The following GPC5 variants were observed in gnomAD, a reference collection of about 807,000 sequenced individuals.
The protein encoded by GPC5 is glypican 5, also known as glypican-5.
Under a neutral mutation model 53.9 loss-of-function variants are expected in GPC5, and 47 were observed. The ratio of observed to expected loss-of-function variants is 0.87; its 90% CI spans 0.69 to 1.11. The LOEUF is 1.11. Among genes scored for constraint, GPC5 ranks in the 50% most tolerant of loss-of-function variants. GPC5 has a pLI of 0.00. For synonymous variants in GPC5, 286 were observed against 263.3 expected (o/e 1.09, Z -0.84); for missense variants, 748 against 713.1 (o/e 1.05, Z -0.56).
Position 91,691,878 on chromosome 13 carries a change from C to G in GPC5, c.326-1309C>G, listed in dbSNP as rs1470173206. 1.3e-5 allele frequency among the ~76,000 whole-genome samples: 2 copies of G among 152,046 alleles called. 1 individual carries two copies. On this transcript the variant is annotated intron_variant, in intron 2 of 7. Transcript: ENST00000377067. ...AAGTTATTGCGTGATCTTTTACAAC[C>G]TAATTAAAAGTGACTATACGGTTGG... is the stretch of plus-strand genomic sequence containing the variant.
chr13:92,340,719 A>G (rs1327537523), intron 7 of GPC5: 4 of 152,250 alleles, frequency 2.6e-5, no homozygotes, highest in Non-Finnish European at 5.9e-5. Flanking sequence ...AATCAGACAA[A>G]CGATTGTATT....
intron 7 of GPC5, among the ~76,000 whole-genome samples, chr13:92,193,774 T>C (rs915602269): frequency 6.6e-6 from 1 of 152,204 alleles, no homozygotes; most frequent in Non-Finnish European, 1.5e-5. Flanking sequence ...CTTAATTAAA[T>C]TACATGTACA....
intron 5 of GPC5, among the ~76,000 whole-genome samples, chr13:91,778,852 A>G (rs753073522): frequency 3.9e-5 from 6 of 152,246 alleles, no homozygotes; most frequent in Non-Finnish European, 8.8e-5. Flanking sequence ...GCAAGCTTAG[A>G]TGATACAGCT....
At chr13:92,344,305 G>A (rs9589512) in intron 7 of GPC5, among the ~76,000 whole-genome samples, 61,134 of 151,806 alleles carry the variant, frequency 0.4, 12,446 homozygotes, top group Middle Eastern at 0.51. Flanking sequence ...TCATGAGAAC[G>A]ACATGGGAGT....
intron 7 of GPC5, among the ~76,000 whole-genome samples, chr13:92,395,950 T>C (rs1248206696): frequency 6.6e-6 from 1 of 151,390 alleles, no homozygotes; most frequent in African/African-American, 2.4e-5. Flanking sequence ...TTCTTTTTGG[T>C]ATTTATCCTG....
chr13:92,105,771 G>A (rs541894381), intron 6 of GPC5, among the ~76,000 whole-genome samples: 115 of 151,852 alleles, frequency 7.6e-4, no homozygotes, highest in African/African-American at 2.7e-3. Context: ...CATTTTTTGT[G>A]CATATTTGTA....
chr13:92,549,730 A>G lies in GPC5; in HGVS notation c.1562-316552A>G, dbSNP rs112977400. ...AGAAAATTAAATCTGCTAAGGAGAA[A>G]GTATCCTTCCATTTTACATCCTCAA... On this transcript the variant is annotated intron_variant, in intron 7 of 7. Coordinates refer to ENST00000377067, the MANE Select transcript of GPC5 (RefSeq NM_004466.6). Among the ~76,000 whole-genome samples the G allele has an allele frequency of 2.9e-3, 447 of 152,134 alleles. 2 individuals are homozygous for G. The highest frequency in any genetic ancestry group is 5.5e-3 in the Admixed American group (84 of 15,274).
At chr13:91,935,347 G>T (rs2039860308) in intron 6 of GPC5, among the ~76,000 whole-genome samples, 1 of 151,932 alleles carries the variant, frequency 6.6e-6, no homozygotes, top group Admixed American at 6.6e-5. Context: ...TTTGGGAGAT[G>T]ATTAAGCCAT....
intron 6 of GPC5, among the ~76,000 whole-genome samples, chr13:92,092,222 GCT>G (rs1191397773): frequency 3.9e-5 from 6 of 152,088 alleles, no homozygotes; most frequent in Non-Finnish European, 8.8e-5. Context: ...TACACCTTAG[GCT>G]CTCTGCATGC....
intron 7 of GPC5, among the ~76,000 whole-genome samples, chr13:92,524,713 T>C (rs888748983): frequency 2.0e-5 from 3 of 152,116 alleles, no homozygotes; most frequent in African/African-American, 7.2e-5. Flanking sequence ...TTATTGTAGA[T>C]TATCCATTCA....
chr13:91,611,186 T>C (rs916215883), intron 2 of GPC5, among the ~76,000 whole-genome samples: 11 of 152,230 alleles, frequency 7.2e-5, no homozygotes, highest in Non-Finnish European at 1.3e-4. Flanking sequence ...TTTAGAGATA[T>C]GTAGATTAGA....
At chr13:92,075,917 ATTTC>A (rs2041248186) in intron 6 of GPC5, among the ~76,000 whole-genome samples, 1 of 152,128 alleles carries the variant, frequency 6.6e-6, no homozygotes. Context: ...TGATTATTGT[ATTTC>A]TTTATTATTC....
chr13:92,094,703 A>G (rs1302689504), intron 6 of GPC5, among the ~76,000 whole-genome samples: 1 of 151,904 alleles, frequency 6.6e-6, no homozygotes, highest in Non-Finnish European at 1.5e-5. Context: ...ATGTTCTAAT[A>G]TTATAAACAG....
intron 1 of GPC5, among the ~76,000 whole-genome samples, chr13:91,421,897 A>G (rs998866440): frequency 9.9e-5 from 15 of 152,230 alleles, no homozygotes; most frequent in African/African-American, 3.1e-4. Context: ...CTGGCATGCT[A>G]TGTAAAGCAG....
At chr13:92,242,454 T>C (rs1594030010) in intron 7 of GPC5, among the ~76,000 whole-genome samples, 1 of 152,098 alleles carries the variant, frequency 6.6e-6, no homozygotes, top group East Asian at 1.9e-4. Flanking sequence ...CTGATCCTAT[T>C]TTTTAAGAGT....
chr13:92,092,264 G>C (rs566131940), intron 6 of GPC5, among the ~76,000 whole-genome samples: 7 of 152,208 alleles, frequency 4.6e-5, no homozygotes, highest in Admixed American at 3.3e-4. Context: ...ACATATATTT[G>C]TATCTCATTA....
intron 7 of GPC5, among the ~76,000 whole-genome samples, chr13:92,664,236 G>A (rs552241412): frequency 2.6e-5 from 4 of 152,046 alleles, no homozygotes; most frequent in South Asian, 2.1e-4. Flanking sequence ...AGCACAAGGG[G>A]CTGAGAAGAG....
intron 7 of GPC5, among the ~76,000 whole-genome samples, chr13:92,565,119 A>G (rs1272120797): frequency 6.6e-6 from 1 of 152,050 alleles, no homozygotes; most frequent in Non-Finnish European, 1.5e-5. Context: ...ACTAATACCT[A>G]AAGTATTTGT....
intron 5 of GPC5, among the ~76,000 whole-genome samples, chr13:91,835,135 A>C (rs1317233335): frequency 6.6e-6 from 1 of 152,206 alleles, no homozygotes; most frequent in Non-Finnish European, 1.5e-5. Flanking sequence ...AAACATATGA[A>C]ATCTCATCAT....
Sources: gnomAD v4.1 joint callset for allele counts (sites outside exome capture counted in the v4.1 genomes callset) on GRCh38, gnomAD v4.1.1 for gene constraint, MANE v1.5 for transcripts, NCBI Gene and HGNC (gene_info 2026-07-23, HGNC 2026-07-21) for gene names.